Variants in PTGIS observed in about 807,000 individuals in gnomAD.
PTGIS encodes prostacyclin synthase.
In PTGIS, 45 loss-of-function variants were observed where a neutral mutation model predicts 50.3. The observed-to-expected ratio is 0.90, with a 90% confidence interval of 0.70 to 1.15. PTGIS has a LOEUF of 1.15. Ranked by LOEUF, PTGIS falls within the 50% of genes most tolerant of loss-of-function variation. The probability of loss-of-function intolerance (pLI) is 0.00; values close to 1 mark genes in which losing one functional copy is unlikely to be tolerated. For missense variants in PTGIS, 668 were observed against 661.3 expected (o/e 1.01, Z -0.11); for synonymous variants, 260 against 267.7 (o/e 0.97, Z 0.28).
At chr20:49,542,339 G>T (rs1192478961) in intron 4 of PTGIS, among the ~76,000 whole-genome samples, 1 of 152,220 alleles carries the variant, frequency 6.6e-6, no homozygotes, top group Non-Finnish European at 1.5e-5. Flanking sequence ...TGTATTTCAG[G>T]GGCTGCTGAT....
chr20:49,542,434 G>A (rs1568680835), intron 4 of PTGIS, among the ~76,000 whole-genome samples: 2 of 152,214 alleles, frequency 1.3e-5, no homozygotes, highest in Non-Finnish European at 2.9e-5. Flanking sequence ...CACAGTTACC[G>A]GGTTACAGGT....
intron 8 of PTGIS, among the ~76,000 whole-genome samples, chr20:49,511,781 T>C (rs767664144): frequency 6.6e-6 from 1 of 151,856 alleles, no homozygotes; most frequent in Non-Finnish European, 1.5e-5. Flanking sequence ...GAAGGATAGG[T>C]GAATGAACCA....
chr20:49,515,963 C>G (rs970945596), intron 6 of PTGIS, among the ~76,000 whole-genome samples: 10 of 151,996 alleles, frequency 6.6e-5, no homozygotes, highest in Admixed American at 2.6e-4. Context: ...TCACTGCAGC[C>G]TCGACCTCCT....
At chr20:49,538,466 C>A (rs1362438725) in intron 5 of PTGIS, among the ~76,000 whole-genome samples, 2 of 151,840 alleles carry the variant, frequency 1.3e-5, no homozygotes, top group African/African-American at 4.8e-5. Flanking sequence ...ATACAACAAC[C>A]TGGATGAATC....
At chr20:49,521,932 T>C (rs1024235320) in intron 6 of PTGIS, among the ~76,000 whole-genome samples, 2 of 152,016 alleles carry the variant, frequency 1.3e-5, no homozygotes, top group African/African-American at 4.8e-5. Context: ...TCTATCCACG[T>C]CCTCATCACC....
Position 49,539,679 on chromosome 20 carries a change from G to C in PTGIS, c.564C>G (p.Arg188=). 6.2e-7 allele frequency: 1 copy of C among 1,613,718 alleles called. No homozygotes were observed. The highest frequency in any genetic ancestry group is 8.5e-7 in the Non-Finnish European group (1 of 1,179,982). Residue 188 remains arginine (R), a synonymous_variant, in exon 5 of 10, where the codon CGC becomes CGG. Coordinates refer to ENST00000244043, the MANE Select transcript of PTGIS (RefSeq NM_000961.4). Reference sequence around the variant, plus strand: ...GGTCCTGGGCCTGGCTTTCATGGGTGCGTGGCAGCGCCTCAATTCCGTAAA... The same window carrying C: ...GGTCCTGGGCCTGGCTTTCATGGGTCCGTGGCAGCGCCTCAATTCCGTAAA... ...LTLYGIEALP[R]THESQAQDRV...
chr20:49,539,888 C>G (rs950029045), intron 4 of PTGIS, among the ~76,000 whole-genome samples, 167 bp from the exon 5 acceptor site: 2 of 152,184 alleles, frequency 1.3e-5, no homozygotes, highest in Non-Finnish European at 2.9e-5. Context: ...AACAAAAATC[C>G]CTGTCCTCAA....
At chr20:49,533,857 G>A (rs1489499282) in intron 5 of PTGIS, among the ~76,000 whole-genome samples, 1 of 151,962 alleles carries the variant, frequency 6.6e-6, no homozygotes, top group Non-Finnish European at 1.5e-5. Context: ...GCTACTCGGG[G>A]GGCTGAGGCA....
chr20:49,507,959 CG>C lies in PTGIS; in HGVS notation c.1463del (p.Pro488ArgfsTer49). ...LSRYGFGLMQPEHDVPVRYRI... is the reference protein window; with the variant it reads ...LSRYGFGLMQXEHDVPVRYRI... ...GGTAGCGGACGGGCACGTCGTGTTCCGGCTGCATCAGACCGAAGCCGTACCT... is the reference window on the plus strand; with the variant it reads ...GGTAGCGGACGGGCACGTCGTGTTCCGCTGCATCAGACCGAAGCCGTACCT... On this transcript the variant is annotated frameshift_variant, in exon 10 of 10. Coordinates refer to ENST00000244043, the MANE Select transcript of PTGIS (RefSeq NM_000961.4). LOFTEE classifies it high-confidence loss of function. 6.2e-7 allele frequency: 1 copy of C among 1,613,492 alleles called. No individual in the cohort carries two copies. Among genetic ancestry groups the C allele is most frequent in the Non-Finnish European group, 8.5e-7 (1 of 1,180,034 alleles).
chr20:49,558,246 A>C (rs1194173113), intron 1 of PTGIS, among the ~76,000 whole-genome samples: 3 of 152,074 alleles, frequency 2.0e-5, no homozygotes, highest in African/African-American at 7.2e-5. Context: ...AAAATTAGCC[A>C]GGTGTGGTGG....
At chr20:49,566,028 G>A (rs1246373021) in intron 1 of PTGIS, among the ~76,000 whole-genome samples, 2 of 152,092 alleles carry the variant, frequency 1.3e-5, no homozygotes, top group Non-Finnish European at 2.9e-5. Flanking sequence ...TCAGGAGTTC[G>A]AGACCAGCCT....
chr20:49,529,802 G>A (rs1017162156), intron 5 of PTGIS, among the ~76,000 whole-genome samples: 4 of 152,092 alleles, frequency 2.6e-5, no homozygotes, highest in East Asian at 1.9e-4. Context: ...ACAGTATATC[G>A]TTATAATTGG....
At chr20:49,522,505 T>C (rs868128319) in intron 6 of PTGIS, among the ~76,000 whole-genome samples, 1 of 152,054 alleles carries the variant, frequency 6.6e-6, no homozygotes, top group African/African-American at 2.4e-5. Flanking sequence ...CAAAGGATTT[T>C]TTTTAAGAGG....
intron 9 of PTGIS, 116 bp downstream of exon 9, chr20:49,510,912 A>G (rs149976385): frequency 9.4e-6 from 9 of 958,040 alleles, no homozygotes; most frequent in Middle Eastern, 3.2e-4. Flanking sequence ...CGGGCTGTCC[A>G]TGTGAAGCCT....
At chr20:49,511,286 C>T in intron 8 of PTGIS, 107 bp from the exon 9 acceptor site, 1 of 1,362,976 alleles carries the variant, frequency 7.3e-7, no homozygotes, top group Non-Finnish European at 1.0e-6. Flanking sequence ...GAGGGAAAAA[C>T]TGGAAACCAT....
At chr20:49,553,679 A>G (rs981546760) in intron 1 of PTGIS, among the ~76,000 whole-genome samples, 1 of 151,934 alleles carries the variant, frequency 6.6e-6, no homozygotes, top group African/African-American at 2.4e-5. Flanking sequence ...TGTCTAATTC[A>G]AAGGTTGTTT....
At position 49,508,041 on chromosome 20, in the gene PTGIS, T is replaced by G. The variant is rs369569836; in HGVS notation, c.1382A>C (p.His461Pro). 30 of 1,613,752 alleles carry G rather than the reference T, an allele frequency of 1.9e-5. No homozygotes were observed. The highest frequency in any genetic ancestry group is 2.2e-5 in the Non-Finnish European group (26 of 1,180,032). ...IKQFVFLVLV[H>P]LDLELINADV... is the part of the protein sequence containing the mutation. ...TGCGTTGATCAGCTCCAAGTCCAAG[T>G]GCACCAGCACAAGGAACACAAATCT... The change falls in exon 10 of 10, where the codon CAC (histidine) becomes CCC (proline). Residue 461 changes from histidine (H) to proline (P), a missense_variant. His to Pro is a moderately conservative substitution (Grantham distance 77). Coordinates refer to ENST00000244043, the MANE Select transcript of PTGIS (RefSeq NM_000961.4).
Position 49,540,856 on chromosome 20 carries a change from C to G in PTGIS, c.522-1135G>C, listed in dbSNP as rs535048274. On this transcript the variant is annotated intron_variant, in intron 4 of 9. Transcript: ENST00000244043. The surrounding 1 kb of genome is among the most constrained non-coding windows in gnomAD (Gnocchi z 4.8). ...CAACAAAGAGACGCAACCAAAGCCC[C>G]GGGGCCTCACCCTCTCACCCTCCCC... Among the ~76,000 whole-genome samples, 1 of 152,176 alleles carries G rather than the reference C, an allele frequency of 6.6e-6. No homozygotes were observed. The highest frequency in any genetic ancestry group is 2.1e-4 in the South Asian group (1 of 4,832).
In PTGIS at chr20:49,507,953, G is replaced by A. The variant is rs1036275952; in HGVS notation, c.1470C>T (p.His490=). 8.1e-6 allele frequency: 13 copies of A among 1,613,194 alleles called. No homozygotes were observed. The highest frequency in any genetic ancestry group is 3.3e-5 in the Admixed American group (2 of 60,004). The change falls in exon 10 of 10, where the codon CAC becomes CAT. Residue 490 remains histidine, a synonymous_variant. Transcript: ENST00000244043. ...RYGFGLMQPE[H]DVPVRYRIRP is the part of the protein sequence containing the mutation. ...GGATGCGGTAGCGGACGGGCACGTC[G>A]TGTTCCGGCTGCATCAGACCGAAGC...
Sources: allele counts gnomAD v4.1 joint callset (sites outside exome capture counted in the v4.1 genomes callset), GRCh38; gene constraint gnomAD v4.1.1; non-coding constraint Gnocchi (gnomAD v3.1); transcripts MANE v1.5; gene names NCBI Gene and HGNC (gene_info 2026-07-23, HGNC 2026-07-21).